Variants in GNPTAB observed in about 807,000 individuals in gnomAD.
GNPTAB encodes N-acetylglucosamine-1-phosphate transferase subunits alpha and beta.
Under a neutral mutation model 136.6 loss-of-function variants are expected in GNPTAB, and 92 were observed. That is an observed-to-expected ratio of 0.67 (90% CI 0.57 to 0.80). The LOEUF is 0.80. GNPTAB is among the 30% of genes least tolerant of loss of function. The pLI, the probability that GNPTAB is intolerant of heterozygous loss-of-function variation, is 0.00. For synonymous variants in GNPTAB, 512 were observed against 535.1 expected, an observed-to-expected ratio of 0.96 and a Z score of 0.60; for missense variants, 1,343 against 1,501.8, an observed-to-expected ratio of 0.89 and a Z score of 1.75.
At chr12:101,758,247 T>C (rs1952932887) in intron 16 of GNPTAB, among the ~76,000 whole-genome samples, 1 of 152,140 alleles carries the variant, frequency 6.6e-6, no homozygotes, top group Non-Finnish European at 1.5e-5. Context: ...CCATGTTAGC[T>C]AGGCTGGTCT....
Position 101,811,143 on chromosome 12 carries a change from C to G in GNPTAB, c.118-14381G>C, listed in dbSNP as rs371818814. Among the ~76,000 whole-genome samples, 6 of 152,298 alleles carry G rather than the reference C, an allele frequency of 3.9e-5. No individual in the cohort carries two copies. In the South Asian group the frequency reaches 1.2e-3, roughly 32 times the overall value. On this transcript the variant is annotated intron_variant, in intron 1 of 20. Coordinates refer to ENST00000299314, the MANE Select transcript of GNPTAB (RefSeq NM_024312.5). ...CCAACCCCAATCAGTTAACCAATGA[C>G]CTGCACATCCAGAGAGCAAGTAATT...
At chr12:101,780,891 G>A (rs1224126425) in intron 5 of GNPTAB, among the ~76,000 whole-genome samples, 1 of 152,208 alleles carries the variant, frequency 6.6e-6, no homozygotes, top group Non-Finnish European at 1.5e-5. Context: ...GCTAGAATGC[G>A]AAGACAGAAA....
intron 10 of GNPTAB, among the ~76,000 whole-genome samples, chr12:101,768,578 G>A (rs1020470587): frequency 1.6e-4 from 24 of 152,150 alleles, no homozygotes; most frequent in African/African-American, 5.1e-4. Flanking sequence ...GTGTATTTGT[G>A]CATAATCTTG....
At chr12:101,809,782 G>GCC (rs1870121489) in intron 1 of GNPTAB, among the ~76,000 whole-genome samples, 1 of 152,340 alleles carries the variant, frequency 6.6e-6, no homozygotes, top group South Asian at 2.1e-4. Context: ...GAAGCACAGA[G>GCC]CAAGAACAAC....
At chr12:101,801,987 T>C (rs1214273316) in intron 1 of GNPTAB, among the ~76,000 whole-genome samples, 2 of 151,902 alleles carry the variant, frequency 1.3e-5, no homozygotes. Flanking sequence ...CAGGAGTTCA[T>C]GGCCAGCCTG....
intron 1 of GNPTAB, among the ~76,000 whole-genome samples, chr12:101,821,801 T>C (rs1870816461): frequency 6.6e-6 from 1 of 152,140 alleles, no homozygotes. Context: ...TATAAAGTGC[T>C]GGCTGGCTAA....
intron 1 of GNPTAB, among the ~76,000 whole-genome samples, chr12:101,811,728 T>G (rs1427866912): frequency 1.3e-5 from 2 of 150,736 alleles, no homozygotes; most frequent in African/African-American, 4.9e-5. Flanking sequence ...AACCTCTGCC[T>G]CCCGGGTTCA....
intron 1 of GNPTAB, among the ~76,000 whole-genome samples, chr12:101,813,130 G>A (rs926409719): frequency 2.0e-5 from 3 of 152,080 alleles, no homozygotes; most frequent in African/African-American, 7.2e-5. Context: ...ACCACACCCA[G>A]CCCCATGGAA....
At chr12:101,790,946 G>A (rs1400967761) in intron 2 of GNPTAB, among the ~76,000 whole-genome samples, 1 of 151,142 alleles carries the variant, frequency 6.6e-6, no homozygotes, top group African/African-American at 2.4e-5. Context: ...AACCTATTCC[G>A]TTAATTATGT....
rs1868381191 is a variant in GNPTAB at position 101,782,142 on chromosome 12, T to C, written c.572-1521A>G. 3.3e-5 allele frequency among the ~76,000 whole-genome samples: 5 copies of C among 152,318 alleles called. No homozygotes were observed. The South Asian group carries it at 1.0e-3, about 32-fold the overall frequency. Reference sequence around the variant, plus strand: ...GAAGATGGCAGAGAAGCTATTGTCCTGGATAAGAGACTATGGATTTCCCAA... The same window carrying C: ...GAAGATGGCAGAGAAGCTATTGTCCCGGATAAGAGACTATGGATTTCCCAA... On this transcript the variant is annotated intron_variant, in intron 5 of 20. Coordinates refer to ENST00000299314, the MANE Select transcript of GNPTAB (RefSeq NM_024312.5).
chr12:101,801,539 CAAAAAAAAAAAAAA>C (rs36066248), intron 1 of GNPTAB, among the ~76,000 whole-genome samples: 2,956 of 42,642 alleles, frequency 0.069, 349 homozygotes, highest in East Asian at 0.5. Context: ...GACCCTGTCT[CAAAAAAAAAAAAAA>C]AAAAAAAAAA....
chr12:101,755,588 C>A (rs911882873), intron 18 of GNPTAB, among the ~76,000 whole-genome samples: 10 of 152,134 alleles, frequency 6.6e-5, no homozygotes, highest in African/African-American at 2.2e-4. Context: ...ATGAAGCCAT[C>A]ACAAGCAGAG....
At chr12:101,811,923 C>T (rs1183722355) in intron 1 of GNPTAB, among the ~76,000 whole-genome samples, 1 of 148,812 alleles carries the variant, frequency 6.7e-6, no homozygotes, top group Non-Finnish European at 1.5e-5. Context: ...ACAGGCTGAG[C>T]CGCTGCGTCC....
At chr12:101,780,003 GGAGT>G in intron 7 of GNPTAB, 145 bp downstream of exon 7, 1 of 788,314 alleles carries the variant, frequency 1.3e-6, no homozygotes. Flanking sequence ...TTAAAAGTAA[GGAGT>G]GAGGCTCTTC....
intron 19 of GNPTAB, among the ~76,000 whole-genome samples, chr12:101,750,171 G>A (rs1199359971): frequency 2.6e-5 from 4 of 152,130 alleles, no homozygotes; most frequent in Non-Finnish European, 5.9e-5. Flanking sequence ...TCTGTAATTT[G>A]GAAATAATGA....
intron 1 of GNPTAB, among the ~76,000 whole-genome samples, chr12:101,797,952 C>T (rs188605422): frequency 1.3e-5 from 2 of 152,216 alleles, no homozygotes; most frequent in East Asian, 1.9e-4. Context: ...CCCATTGGCA[C>T]GCAAACATGT....
intron 15 of GNPTAB, among the ~76,000 whole-genome samples, chr12:101,760,797 T>C (rs965964940): frequency 3.3e-4 from 50 of 150,960 alleles, no homozygotes; most frequent in African/African-American, 1.1e-3. Flanking sequence ...TTTTTTTTTT[T>C]GAGACAGAGT....
intron 18 of GNPTAB, chr12:101,756,355 T>A (rs559681633): frequency 1.0e-5 from 2 of 194,762 alleles, no homozygotes; most frequent in Admixed American, 1.2e-4. Context: ...ATTAAAATCC[T>A]AATTTCAGTG....
At chr12:101,761,444 T>C (rs1566071633) in intron 14 of GNPTAB, 98 bp from the exon 15 acceptor site, 1 of 1,412,054 alleles carries the variant, frequency 7.1e-7, no homozygotes, top group Admixed American at 1.7e-5. Context: ...ACTTAGATAA[T>C]ACCTTTAACA....
Sources: allele counts gnomAD v4.1 joint callset (sites outside exome capture counted in the v4.1 genomes callset), GRCh38; gene constraint gnomAD v4.1.1; transcripts MANE v1.5; gene names NCBI Gene and HGNC (gene_info 2026-07-23, HGNC 2026-07-21).